Variants in SUSD1 observed in about 807,000 individuals in gnomAD.
SUSD1 encodes the protein sushi domain containing 1.
In SUSD1, 65 loss-of-function variants were observed where a neutral mutation model predicts 86.9. The ratio of observed to expected loss-of-function variants is 0.75; its 90% confidence interval spans 0.61 to 0.92. SUSD1 has a LOEUF of 0.92. Among genes scored for constraint, SUSD1 ranks in the 40% least tolerant of loss-of-function variants. The pLI, the probability that SUSD1 is intolerant of heterozygous loss-of-function variation, is 0.00. For synonymous variants in SUSD1, 346 were observed against 350.0 expected (o/e 0.99, Z 0.13); for missense variants, 850 against 929.7 (o/e 0.91, Z 1.11).
At chr9:112,164,522 G>C (rs1455985200) in intron 1 of SUSD1, among the ~76,000 whole-genome samples, 1 of 148,014 alleles carries the variant, frequency 6.8e-6, no homozygotes, top group East Asian at 2.0e-4. Context: ...CTCCAGCCTA[G>C]AAAACAGAAT....
chr9:112,045,260 T>C (rs1827906124), intron 15 of SUSD1, among the ~76,000 whole-genome samples: 1 of 152,248 alleles, frequency 6.6e-6, no homozygotes, highest in Non-Finnish European at 1.5e-5. Context: ...ACTTCTGACA[T>C]CAAGTTTTTT....
At chr9:112,143,693 T>A in intron 3 of SUSD1, 70 bp from the exon 4 acceptor site, 1 of 1,448,698 alleles carries the variant, frequency 6.9e-7, no homozygotes, top group Non-Finnish European at 9.3e-7. Flanking sequence ...GAGAGGATAT[T>A]GTGACAGCCA....
At chr9:112,126,537 G>A (rs764350618) in intron 5 of SUSD1, among the ~76,000 whole-genome samples, 2 of 152,182 alleles carry the variant, frequency 1.3e-5, no homozygotes, top group African/African-American at 2.4e-5. Flanking sequence ...TCAGGTGGAT[G>A]CCCCTTTAGG....
At position 112,124,300 on chromosome 9, in the gene SUSD1, G is replaced by A. The variant is rs745761727; in HGVS notation, c.843C>T (p.Cys281=). The change falls in exon 6 of 17, where the codon TGC becomes TGT. Residue 281 remains cysteine (C), a synonymous_variant. Transcript: ENST00000374270. ...TTTCTCTCCAGGTGCCTTTCTCTGT[G>A]CAAACAGAAGTGATCTTTCCTCCAG... ...ESPGGKITSV[C]TEKGTWREST... is the part of the protein sequence containing the mutation. 1 of 1,614,054 alleles carries A rather than the reference G, an allele frequency of 6.2e-7. No individual in the cohort carries two copies. Among genetic ancestry groups the A allele is most frequent in the Admixed American group, 1.7e-5 (1 of 60,018 alleles).
chr9:112,070,850 C>T (rs1308601950), intron 12 of SUSD1, among the ~76,000 whole-genome samples: 3 of 152,166 alleles, frequency 2.0e-5, no homozygotes, highest in Non-Finnish European at 2.9e-5. Flanking sequence ...CACCAGGTGG[C>T]ATGGATGGTC....
chr9:112,141,634 G>GC (rs200758705), intron 5 of SUSD1, among the ~76,000 whole-genome samples: 6,250 of 150,056 alleles, frequency 0.042, 321 homozygotes, highest in Admixed American at 0.11. Flanking sequence ...CCAAGGTTGT[G>GC]CCACTACACT....
chr9:112,052,514 G>A (rs1828260887), intron 14 of SUSD1, 76 bp from the exon 15 acceptor site: 1 of 1,538,788 alleles, frequency 6.5e-7, no homozygotes, highest in Non-Finnish European at 9.0e-7. Flanking sequence ...GGAGGCTGAA[G>A]CCCTCTGAGT....
At position 112,149,391 on chromosome 9, in the gene SUSD1, C is replaced by G; in HGVS notation, c.226G>C (p.Glu76Gln). Residue 76 changes from glutamate (E) to glutamine (Q), a missense_variant, in exon 3 of 17, where the codon GAG becomes CAG. Coordinates refer to ENST00000374270, the MANE Select transcript of SUSD1 (RefSeq NM_022486.5). ...ACAAGAGTGGCTCCAAACTGGCACT[C>G]ATTTTTATCTGTTGACACACAGACA... ...NGRTQCVDKN[E>Q]CQFGATLVCG... is the part of the protein sequence containing the mutation. The G allele has an allele frequency of 6.2e-7, 1 of 1,614,022 alleles. No homozygotes were observed. Among genetic ancestry groups the G allele is most frequent in the Non-Finnish European group, 8.5e-7 (1 of 1,179,970 alleles).
chr9:112,103,804 C>T (rs1402210597), intron 8 of SUSD1, among the ~76,000 whole-genome samples: 1 of 152,128 alleles, frequency 6.6e-6, no homozygotes, highest in Non-Finnish European at 1.5e-5. Context: ...ACTATGCAAC[C>T]TGGCTTCCAA....
At chr9:112,124,004 G>C (rs1463927075) in intron 6 of SUSD1, among the ~76,000 whole-genome samples, 2 of 152,016 alleles carry the variant, frequency 1.3e-5, no homozygotes, top group African/African-American at 4.8e-5. Flanking sequence ...AAGCAGAGGG[G>C]ACAGGAATCA....
At chr9:112,158,626 G>T (rs541360963) in intron 1 of SUSD1, among the ~76,000 whole-genome samples, 2 of 152,164 alleles carry the variant, frequency 1.3e-5, no homozygotes, top group East Asian at 1.9e-4. Context: ...CCCTGAGCTT[G>T]AGGGATCCAC....
At chr9:112,167,850 T>G (rs1373409463) in intron 1 of SUSD1, among the ~76,000 whole-genome samples, 2 of 152,174 alleles carry the variant, frequency 1.3e-5, no homozygotes, top group Non-Finnish European at 2.9e-5. Context: ...CAGTCCCAAG[T>G]GGCTGGGGAA....
intron 11 of SUSD1, 41 bp from the exon 12 acceptor site, chr9:112,078,765 A>C: frequency 1.3e-6 from 2 of 1,584,436 alleles, no homozygotes; most frequent in South Asian, 1.1e-5. Context: ...GGTTGGCCTA[A>C]AAGGCTTTAG....
rs756217966 is a variant in SUSD1 at position 112,124,382 on chromosome 9, T to C, written c.761A>G (p.His254Arg). ...EMRHAILVGN[H>R]SSRLGGVARY... is the part of the protein sequence containing the mutation. ...AGCCACACCGCCCAGCCTGGAGCTG[T>C]GATTTCCTACCAAGATGGCGTGCCG... Residue 254 changes from histidine (H) to arginine (R), a missense_variant, in exon 6 of 17, where the codon CAC becomes CGC. Transcript: ENST00000374270. 8 of 1,614,180 alleles carry C rather than the reference T, an allele frequency of 5.0e-6. No homozygotes were observed. Among genetic ancestry groups the C allele is most frequent in the African/African-American group, 1.3e-5 (1 of 75,056 alleles).
At chr9:112,052,509 C>A (rs1216893512) in intron 14 of SUSD1, 71 bp from the exon 15 acceptor site, 1 of 1,554,652 alleles carries the variant, frequency 6.4e-7, no homozygotes, top group Non-Finnish European at 8.9e-7. Flanking sequence ...AGTTTGGAGG[C>A]TGAAGCCCTC....
intron 10 of SUSD1, among the ~76,000 whole-genome samples, chr9:112,086,586 T>C (rs2762466): frequency 0.34 from 49,764 of 147,454 alleles, 8,748 homozygotes; most frequent in African/African-American, 0.42. Flanking sequence ...GAGAGAGAGA[T>C]CTGGTGTATA....
intron 1 of SUSD1, among the ~76,000 whole-genome samples, chr9:112,169,624 G>T (rs764858083): frequency 1.3e-5 from 2 of 151,316 alleles, no homozygotes; most frequent in East Asian, 3.9e-4. Flanking sequence ...AACCCCTACC[G>T]GTTCTTTTCA....
chr9:112,152,749 A>ATTTTT (rs1731913056), intron 2 of SUSD1, among the ~76,000 whole-genome samples: 6 of 78,260 alleles, frequency 7.7e-5, no homozygotes, highest in African/African-American at 3.5e-4. Context: ...ATTTTTTTTA[A>ATTTTT]TCTTTTTTTT....
intron 10 of SUSD1, among the ~76,000 whole-genome samples, chr9:112,089,270 T>A (rs1453540388): frequency 6.6e-6 from 1 of 152,044 alleles, no homozygotes; most frequent in Non-Finnish European, 1.5e-5. Flanking sequence ...AGAAAATCCA[T>A]CACACAGAGA....
Sources: allele counts gnomAD v4.1 joint callset (sites outside exome capture counted in the v4.1 genomes callset), GRCh38; gene constraint gnomAD v4.1.1; transcripts MANE v1.5; gene names NCBI Gene and HGNC (gene_info 2026-07-23, HGNC 2026-07-21).